GTF2F2: variants seen among roughly 807,000 people sequenced by gnomAD.
GTF2F2 encodes the protein general transcription factor IIF subunit 2.
In GTF2F2, 23 loss-of-function variants were observed where a neutral mutation model predicts 42.2. That is an observed-to-expected ratio of 0.55 (90% CI 0.39 to 0.77). GTF2F2 has a LOEUF of 0.77. Among genes scored for constraint, GTF2F2 ranks in the 30% least tolerant of loss-of-function variants. GTF2F2 has a pLI of 0.00. For synonymous variants in GTF2F2, 105 were observed against 100.8 expected (o/e 1.04, Z -0.25); for missense variants, 261 against 287.2 (o/e 0.91, Z 0.66).
chr13:45,149,717 G>T, intron 2 of GTF2F2, 53 bp from the exon 3 acceptor site: 1 of 1,442,670 alleles, frequency 6.9e-7, no homozygotes, highest in Non-Finnish European at 9.3e-7. Context: ...ACTCACATTT[G>T]AAAACAACAT....
intron 5 of GTF2F2, among the ~76,000 whole-genome samples, chr13:45,242,578 TTTG>T (rs1875373329): frequency 6.6e-6 from 1 of 152,122 alleles, no homozygotes; most frequent in South Asian, 2.1e-4. Flanking sequence ...GGTGGAAACA[TTTG>T]TTGTTTAGTG....
intron 2 of GTF2F2, among the ~76,000 whole-genome samples, chr13:45,146,777 A>T (rs1870216472): frequency 1.3e-5 from 2 of 152,328 alleles, no homozygotes; most frequent in South Asian, 4.1e-4. Flanking sequence ...CATTCTGAGA[A>T]ATTTAGTGAA....
intron 7 of GTF2F2, among the ~76,000 whole-genome samples, chr13:45,272,763 C>T (rs1876852091): frequency 6.8e-6 from 1 of 146,964 alleles, no homozygotes; most frequent in Admixed American, 6.7e-5. Context: ...AATAAAGAGA[C>T]AAGGTCTCCT....
chr13:45,273,803 C>T (rs551658510), intron 7 of GTF2F2, among the ~76,000 whole-genome samples: 14 of 151,600 alleles, frequency 9.2e-5, no homozygotes, highest in South Asian at 4.2e-4. Context: ...TACAGGTGCC[C>T]GCCACCATGC....
intron 6 of GTF2F2, among the ~76,000 whole-genome samples, chr13:45,256,522 TGATTAA>T (rs1876111519): frequency 6.6e-6 from 1 of 152,202 alleles, no homozygotes; most frequent in African/African-American, 2.4e-5. Context: ...AATGAATCTT[TGATTAA>T]GATTTTTACA....
chr13:45,120,666 G>T lies in GTF2F2; in HGVS notation c.11G>T (p.Arg4Leu), dbSNP rs1487738942. 1 of 1,559,516 alleles carries T rather than the reference G, an allele frequency of 6.4e-7. No homozygotes were observed. MAE[R>L]GELDLTGAKQ... ...ACCGGCTGCAGACCCATGGCCGAGC[G>T]CGGGGAACTCGACTTGACCGGCGCC... Residue 4 changes from arginine (R) to leucine (L), a missense_variant, in exon 1 of 8, where the codon CGC becomes CTC. By Grantham distance (102) the Arg-to-Leu change is moderately radical. Transcript: ENST00000340473.
chr13:45,250,531 C>T (rs533831596), intron 5 of GTF2F2, among the ~76,000 whole-genome samples: 3 of 152,270 alleles, frequency 2.0e-5, no homozygotes, highest in African/African-American at 7.2e-5. Flanking sequence ...TAGAGCAAGT[C>T]TTTACTGCTA....
intron 5 of GTF2F2, among the ~76,000 whole-genome samples, chr13:45,211,975 A>G (rs1021370007): frequency 1.2e-4 from 18 of 148,384 alleles, no homozygotes; most frequent in Non-Finnish European, 1.0e-4. Flanking sequence ...ACACACGCAC[A>G]CACACACCAC....
chr13:45,194,242 A>G, intron 4 of GTF2F2: 1 of 1,614,142 alleles, frequency 6.2e-7, no homozygotes, highest in Non-Finnish European at 8.5e-7. Flanking sequence ...TTGTGCAAGA[A>G]GTTGATTTTC....
intron 5 of GTF2F2, chr13:45,221,057 C>G (rs1874091962): frequency 6.6e-6 from 1 of 152,086 alleles, no homozygotes; most frequent in African/African-American, 2.4e-5. Flanking sequence ...GCTTTACACT[C>G]ATGTACACCA....
intron 4 of GTF2F2, 58 bp from the exon 5 acceptor site, chr13:45,207,366 A>G (rs1269179099): frequency 2.7e-5 from 28 of 1,018,998 alleles, no homozygotes; most frequent in Non-Finnish European, 4.2e-5. Context: ...AGTGTGTCAA[A>G]ATACAGTCTT....
chr13:45,214,281 G>A (rs1873806362), intron 5 of GTF2F2, among the ~76,000 whole-genome samples: 1 of 152,120 alleles, frequency 6.6e-6, no homozygotes, highest in African/African-American at 2.4e-5. Context: ...ATGTAAGTTA[G>A]TAAGATTCTG....
intron 6 of GTF2F2, among the ~76,000 whole-genome samples, chr13:45,261,576 AT>A (rs1203349487): frequency 6.6e-6 from 1 of 152,138 alleles, no homozygotes; most frequent in Non-Finnish European, 1.5e-5. Flanking sequence ...GTGATCTGTG[AT>A]CATTGGATAG....
At chr13:45,183,435 C>G (rs1221738102) in intron 4 of GTF2F2, among the ~76,000 whole-genome samples, 1 of 152,062 alleles carries the variant, frequency 6.6e-6, no homozygotes. Context: ...TTACTACTGT[C>G]ATATCTACCT....
chr13:45,214,971 GGATT>G (rs1873829053), intron 5 of GTF2F2, among the ~76,000 whole-genome samples: 1 of 150,094 alleles, frequency 6.7e-6, no homozygotes, highest in African/African-American at 2.5e-5. Context: ...CAGTGTTTGT[GGATT>G]TTTTCCAAAA....
At chr13:45,221,934 T>A (rs1022508753) in intron 5 of GTF2F2, among the ~76,000 whole-genome samples, 5 of 152,122 alleles carry the variant, frequency 3.3e-5, no homozygotes, top group Non-Finnish European at 7.4e-5. Flanking sequence ...TTTCATCAGA[T>A]CTTCAGTTGG....
chr13:45,174,639 T>TTTTC (rs1566123385), intron 4 of GTF2F2, among the ~76,000 whole-genome samples: 3 of 94,436 alleles, frequency 3.2e-5, no homozygotes, highest in African/African-American at 1.0e-4. Flanking sequence ...TTTTTCTTTT[T>TTTTC]TTTTTTTTTT....
At chr13:45,124,532 A>G (rs1055292488) in intron 1 of GTF2F2, among the ~76,000 whole-genome samples, 5 of 151,434 alleles carry the variant, frequency 3.3e-5, no homozygotes, top group African/African-American at 1.2e-4. Flanking sequence ...TAATTTTTGT[A>G]TTTTTAGTAG....
At chr13:45,124,123 A>G (rs1358696574) in intron 1 of GTF2F2, 2 of 704,528 alleles carry the variant, frequency 2.8e-6, no homozygotes, top group Non-Finnish European at 2.6e-6. Flanking sequence ...GGGCAATGCC[A>G]GCCCCAGCAT....
Sources: gnomAD v4.1 joint callset for allele counts (sites outside exome capture counted in the v4.1 genomes callset) on GRCh38, gnomAD v4.1.1 for gene constraint, MANE v1.5 for transcripts, NCBI Gene and HGNC (gene_info 2026-07-23, HGNC 2026-07-21) for gene names.